Variants in C20orf202 observed in about 807,000 individuals in gnomAD.
C20orf202 encodes chromosome 20 open reading frame 202.
A neutral mutation model predicts 5.3 loss-of-function variants in C20orf202; 5 were observed. The observed-to-expected ratio is 0.94, with a 90% confidence interval of 0.49 to 1.98. The LOEUF (loss-of-function observed/expected upper bound fraction) is 1.98. Ranked by LOEUF, C20orf202 falls within the 30% of genes most tolerant of loss-of-function variation. The probability of loss-of-function intolerance (pLI) is 0.01; values close to 1 mark genes in which losing one functional copy is unlikely to be tolerated. For synonymous variants in C20orf202, 48 were observed against 50.0 expected (o/e 0.96, Z 0.16); for missense variants, 135 against 123.5 (o/e 1.09, Z -0.44).
intron 1 of C20orf202, 106 bp from the exon 2 acceptor site, chr20:1,206,763 C>G (rs1282439060): frequency 1.5e-6 from 1 of 669,628 alleles, no homozygotes; most frequent in Non-Finnish European, 2.4e-6. Context: ...TGAGGCTGTG[C>G]GAATCACAAG....
Position 1,203,663 on chromosome 20 carries a change from C to T in C20orf202, c.66+12C>T. ...TGAGAAAGGAGCTGGTAAGGTTTTG[C>T]ATTGCTTTTCCTTGATGCCCCGACT... On this transcript the variant is annotated intron_variant, in intron 1 of 1. Coordinates refer to ENST00000400633, the MANE Select transcript of C20orf202 (RefSeq NM_001394958.1). The T allele has an allele frequency of 6.5e-7, 1 of 1,534,640 alleles. No individual in the cohort carries two copies.
rs576260774 is a variant in C20orf202, at chr20:1,207,036, G to T, written c.234G>T (p.Pro78=). The change falls in exon 2 of 2, where the codon CCG becomes CCT. Residue 78 remains proline (P), a synonymous_variant. Transcript: ENST00000400633. Reference sequence around the variant, plus strand: ...GCTCCGAAGGCAGGGGCTGCCAGCCGGTTTGCTCAAGGGGTCTGGCCCAGC... The same window carrying T: ...GCTCCGAAGGCAGGGGCTGCCAGCCTGTTTGCTCAAGGGGTCTGGCCCAGC... The part of the protein sequence containing the change: ...RAGSEGRGCQ[P]VCSRGLAQLL... The T allele has an allele frequency of 9.7e-6, 15 of 1,549,418 alleles. No homozygotes were observed. The South Asian group carries it at 1.4e-4, about 15-fold the overall frequency.
At position 1,207,112 on chromosome 20, in the gene C20orf202, G is replaced by T. The variant is rs1208870495; in HGVS notation, c.*10G>T. ...AAGCTCTCTCCCTTAACTGGACGGA[G>T]ATGACACTGGGCTTTAACACTCTCC... On this transcript the variant is annotated 3_prime_UTR_variant, in exon 2 of 2. Coordinates refer to ENST00000400633, the MANE Select transcript of C20orf202 (RefSeq NM_001394958.1). The T allele has an allele frequency of 2.1e-6, 3 of 1,458,124 alleles. No homozygotes were observed. The East Asian group carries it at 7.5e-5, about 37-fold the overall frequency. 90.3% of individuals were successfully genotyped at this position (1,458,124 alleles called of 1,614,324 possible).
Position 1,207,407 on chromosome 20 carries a change from G to C in C20orf202, c.*305G>C, listed in dbSNP as rs1328704575. ...GCACCATGGCAGTAACCCTATCCTT[G>C]GGAATTTTTCACAAGGCAATTGTTA... On this transcript the variant is annotated 3_prime_UTR_variant, in exon 2 of 2. Transcript: ENST00000400633. 1 of 264,812 alleles carries C rather than the reference G, an allele frequency of 3.8e-6. No individual in the cohort carries two copies. Among genetic ancestry groups the C allele is most frequent in the Admixed American group, 5.4e-5 (1 of 18,600 alleles). 16.4% of individuals were successfully genotyped at this position (264,812 alleles called of 1,614,324 possible).
rs1425385760 is a variant in C20orf202 at position 1,203,592 on chromosome 20, A to G, written c.7A>G (p.Ile3Val). 1 of 1,551,528 alleles carries G rather than the reference A, an allele frequency of 6.4e-7. No individual in the cohort carries two copies. The highest frequency in any genetic ancestry group is 2.0e-5 in the Admixed American group (1 of 50,974). Reference sequence around the variant, plus strand: ...CACTCCTAAGAACACTGAGATGAAAATAGCAGAAGAGCCCAGCCCGAGTCT... The same window carrying G: ...CACTCCTAAGAACACTGAGATGAAAGTAGCAGAAGAGCCCAGCCCGAGTCT... MK[I>V]AEEPSPSLGQ... The change falls in exon 1 of 2, where the codon ATA becomes GTA. Residue 3 changes from isoleucine (I) to valine (V), a missense_variant. Transcript: ENST00000400633.
intron 1 of C20orf202, among the ~76,000 whole-genome samples, chr20:1,204,806 A>G (rs925250153): frequency 1.5e-4 from 23 of 152,200 alleles, no homozygotes; most frequent in African/African-American, 5.5e-4. Flanking sequence ...TTCCAGCAGC[A>G]GGGACTGCAG....
chr20:1,208,722 G>A lies in C20orf202; in HGVS notation c.*1620G>A, dbSNP rs1467880330. On this transcript the variant is annotated 3_prime_UTR_variant, in exon 2 of 2. Transcript: ENST00000400633. Reference sequence around the variant, plus strand: ...AGACTTCTCCAGGATCCAGGTTCCAGACTCCTGGGGCCCCTTCCAGGAGCT... The same window carrying A: ...AGACTTCTCCAGGATCCAGGTTCCAAACTCCTGGGGCCCCTTCCAGGAGCT... 1.3e-5 allele frequency among the ~76,000 whole-genome samples: 2 copies of A among 152,132 alleles called. No homozygotes were observed. Among genetic ancestry groups the A allele is most frequent in the Non-Finnish European group, 2.9e-5 (2 of 68,018 alleles).
At position 1,203,469 on chromosome 20, in the gene C20orf202, T is replaced by C; in HGVS notation, c.-117T>C. 6.7e-7 allele frequency: 1 copy of C among 1,492,874 alleles called. No individual in the cohort carries two copies. The highest frequency in any genetic ancestry group is 1.3e-5 in the South Asian group (1 of 74,986). 92.5% of individuals were successfully genotyped at this position (1,492,874 alleles called of 1,614,324 possible). ...ACTTCCTGCTCTCATTAACTCCATCTTCAGTGATTTGGCCAGAACCTGCTG... is the reference window on the plus strand; with the variant it reads ...ACTTCCTGCTCTCATTAACTCCATCCTCAGTGATTTGGCCAGAACCTGCTG... On this transcript the variant is annotated 5_prime_UTR_variant, in exon 1 of 2. Coordinates refer to ENST00000400633, the MANE Select transcript of C20orf202 (RefSeq NM_001394958.1).
intron 1 of C20orf202, among the ~76,000 whole-genome samples, chr20:1,204,586 G>T (rs1257456066): frequency 1.3e-5 from 2 of 152,332 alleles, no homozygotes; most frequent in East Asian, 3.9e-4. Context: ...AAGTGTGTGG[G>T]GACACCAGCC....
chr20:1,208,395 T>G lies in C20orf202; in HGVS notation c.*1293T>G, dbSNP rs1568505821. 1.3e-5 allele frequency: 2 copies of G among 151,870 alleles called. No homozygotes were observed. The highest frequency in any genetic ancestry group is 2.9e-5 in the Non-Finnish European group (2 of 67,964). The allele number at this position is 151,870 out of a possible 1,614,324, so 9.4% of individuals were successfully genotyped here. On this transcript the variant is annotated 3_prime_UTR_variant, in exon 2 of 2. Coordinates refer to ENST00000400633, the MANE Select transcript of C20orf202 (RefSeq NM_001394958.1). Reference sequence around the variant, plus strand: ...GCATGTAGAGGCAGAGTGGAGGGGGTGCATTATAAGTATAATGTTTGTAGT... The same window carrying G: ...GCATGTAGAGGCAGAGTGGAGGGGGGGCATTATAAGTATAATGTTTGTAGT...
intron 1 of C20orf202, among the ~76,000 whole-genome samples, chr20:1,204,575 C>G (rs997859642): frequency 5.3e-5 from 8 of 152,232 alleles, no homozygotes; most frequent in African/African-American, 1.9e-4. Flanking sequence ...GGGGTGCCCC[C>G]AAGTGTGTGG....
Position 1,203,656 on chromosome 20 carries a change from G to A in C20orf202, c.66+5G>A, listed in dbSNP as rs574855832. ...GAGTGGCTGAGAAAGGAGCTGGTAA[G>A]GTTTTGCATTGCTTTTCCTTGATGC... On this transcript the variant is annotated splice_donor_5th_base_variant and intron_variant, in intron 1 of 1. Transcript: ENST00000400633. The A allele has an allele frequency of 5.9e-6, 9 of 1,533,696 alleles. No individual in the cohort carries two copies. In the African/African-American group the frequency reaches 1.3e-4, roughly 21 times the overall value.
chr20:1,204,695 G>A (rs2087124496), intron 1 of C20orf202, among the ~76,000 whole-genome samples: 1 of 152,170 alleles, frequency 6.6e-6, no homozygotes, highest in Admixed American at 6.5e-5. Flanking sequence ...GTCCAAAAAT[G>A]ACCTTTCTGG....
chr20:1,203,697 T>C, intron 1 of C20orf202, 46 bp downstream of exon 1: 1 of 1,514,894 alleles, frequency 6.6e-7, no homozygotes, highest in Admixed American at 2.2e-5. Flanking sequence ...CTACATATTT[T>C]CCAAAGATCT....
intron 1 of C20orf202, among the ~76,000 whole-genome samples, chr20:1,206,121 A>C (rs2122717231): frequency 6.6e-6 from 1 of 152,300 alleles, no homozygotes; most frequent in Non-Finnish European, 1.5e-5. Flanking sequence ...AATTCTCAGG[A>C]AAAAATGGGA....
intron 1 of C20orf202, among the ~76,000 whole-genome samples, chr20:1,205,297 C>T (rs2087127153): frequency 1.3e-5 from 2 of 151,816 alleles, no homozygotes; most frequent in Middle Eastern, 3.4e-3. Context: ...TAGTAGAGAC[C>T]GGGTTTCACC....
chr20:1,205,261 A>C (rs1001094902), intron 1 of C20orf202, among the ~76,000 whole-genome samples: 2 of 151,790 alleles, frequency 1.3e-5, no homozygotes, highest in African/African-American at 4.8e-5. Flanking sequence ...GCATGCCACC[A>C]CGGCTGGCTA....
chr20:1,207,698 G>A lies in C20orf202; in HGVS notation c.*596G>A, dbSNP rs570621545. 3 of 152,328 alleles carry A rather than the reference G, an allele frequency of 2.0e-5. No homozygotes were observed. The highest frequency in any genetic ancestry group is 6.5e-5 in the Admixed American group (1 of 15,302). The allele number at this position is 152,328 out of a possible 1,614,324, so 9.4% of individuals were successfully genotyped here. A position where few individuals can be genotyped will look rare whatever the true frequency, so the allele number is the denominator to read the frequency against. On this transcript the variant is annotated 3_prime_UTR_variant, in exon 2 of 2. Coordinates refer to ENST00000400633, the MANE Select transcript of C20orf202 (RefSeq NM_001394958.1). ...ATGTGAACCAACAGAGCCAGTCACC[G>A]ACCTTCCCTGAGATTGCTACCTGGA...
Position 1,207,207 on chromosome 20 carries a change from C to A in C20orf202, c.*105C>A. 1.2e-6 allele frequency: 1 copy of A among 808,452 alleles called. No homozygotes were observed. The highest frequency in any genetic ancestry group is 1.9e-6 in the Non-Finnish European group (1 of 533,756). 50.1% of individuals were successfully genotyped at this position (808,452 alleles called of 1,614,324 possible). On this transcript the variant is annotated 3_prime_UTR_variant, in exon 2 of 2. Coordinates refer to ENST00000400633, the MANE Select transcript of C20orf202 (RefSeq NM_001394958.1). ...TGGAATGGGAGTCAGAAAGCCAGGG[C>A]TCTGGGTTCATTTCTGCCCTCATCT...
Sources: gnomAD v4.1 joint callset for allele counts (sites outside exome capture counted in the v4.1 genomes callset) on GRCh38, gnomAD v4.1.1 for gene constraint, MANE v1.5 for transcripts, NCBI Gene and HGNC (gene_info 2026-07-23, HGNC 2026-07-21) for gene names.